Variants in GALNTL6 observed in about 807,000 individuals in gnomAD.
GALNTL6 encodes the protein polypeptide N-acetylgalactosaminyltransferase like 6.
Under a neutral mutation model 73.7 loss-of-function variants are expected in GALNTL6, and 46 were observed. The ratio of observed to expected loss-of-function variants is 0.62; its 90% CI spans 0.49 to 0.80. GALNTL6 has a LOEUF of 0.80. Among genes scored for constraint, GALNTL6 ranks in the 30% least tolerant of loss-of-function variants. The pLI, the probability that GALNTL6 is intolerant of heterozygous loss-of-function variation, is 0.00. For missense variants in GALNTL6, 604 were observed against 755.0 expected, an observed-to-expected ratio of 0.80 and a Z score of 2.34; for synonymous variants, 259 against 263.7, an observed-to-expected ratio of 0.98 and a Z score of 0.17.
chr4:171,855,944 A>G (rs565084916), intron 2 of GALNTL6, among the ~76,000 whole-genome samples: 2 of 152,328 alleles, frequency 1.3e-5, no homozygotes, highest in African/African-American at 4.8e-5. Context: ...TGCTCATTTT[A>G]AAATTGAATT....
intron 2 of GALNTL6, among the ~76,000 whole-genome samples, chr4:171,998,065 C>A (rs555006346): frequency 6.6e-6 from 1 of 152,122 alleles, no homozygotes; most frequent in African/African-American, 2.4e-5. Flanking sequence ...TCTTTTACCC[C>A]ATTAGATATT....
At chr4:172,979,058 C>A (rs1159871932) in intron 10 of GALNTL6, among the ~76,000 whole-genome samples, 3 of 152,196 alleles carry the variant, frequency 2.0e-5, no homozygotes, top group African/African-American at 7.2e-5. Flanking sequence ...GAGTAATCAA[C>A]GTAAGTCACC....
intron 5 of GALNTL6, among the ~76,000 whole-genome samples, chr4:172,747,587 A>G (rs1737179700): frequency 6.6e-6 from 1 of 152,146 alleles, no homozygotes; most frequent in Admixed American, 6.5e-5. Context: ...TAGTATAGTC[A>G]TTTTGAAAAA....
chr4:172,205,584 C>A (rs1736083053), intron 2 of GALNTL6, among the ~76,000 whole-genome samples: 1 of 152,186 alleles, frequency 6.6e-6, no homozygotes, highest in African/African-American at 2.4e-5. Context: ...AGACTCTCAT[C>A]CTTTTGTTCC....
intron 5 of GALNTL6, among the ~76,000 whole-genome samples, chr4:172,600,692 A>G (rs2111022790): frequency 6.6e-6 from 1 of 152,258 alleles, no homozygotes; most frequent in East Asian, 1.9e-4. Context: ...GCTGGAGTGA[A>G]CAGACCTCAT....
chr4:172,122,030 T>G (rs763204776), intron 2 of GALNTL6, among the ~76,000 whole-genome samples: 4 of 151,788 alleles, frequency 2.6e-5, no homozygotes, highest in Non-Finnish European at 5.9e-5. Context: ...CCTGAGGGAT[T>G]TGTCCAGATA....
chr4:172,941,618 T>G (rs1748926691), intron 9 of GALNTL6, among the ~76,000 whole-genome samples: 1 of 152,208 alleles, frequency 6.6e-6, no homozygotes, highest in Admixed American at 6.5e-5. Context: ...CCATTAGAAC[T>G]GACCATTTCC....
At chr4:172,394,429 T>C (rs1044188705) in intron 5 of GALNTL6, among the ~76,000 whole-genome samples, 6 of 83,732 alleles carry the variant, frequency 7.2e-5, no homozygotes, top group Non-Finnish European at 1.3e-4. Context: ...CTTCTTCTTC[T>C]TTTTTTTTTT....
chr4:172,500,760 C>T (rs1734236217), intron 5 of GALNTL6, among the ~76,000 whole-genome samples: 1 of 151,762 alleles, frequency 6.6e-6, no homozygotes, highest in Admixed American at 6.6e-5. Context: ...AAAAGTACAT[C>T]TGCATGAGGC....
intron 8 of GALNTL6, among the ~76,000 whole-genome samples, chr4:172,917,885 G>C (rs890144784): frequency 6.6e-6 from 1 of 152,100 alleles, no homozygotes; most frequent in Non-Finnish European, 1.5e-5. Context: ...TTGACCCAGT[G>C]ATCCCATTAC....
chr4:171,957,611 G>A lies in GALNTL6; in HGVS notation c.138+142893G>A, dbSNP rs925240569. Among the ~76,000 whole-genome samples, 7 of 152,274 alleles carry A rather than the reference G, an allele frequency of 4.6e-5. No homozygotes were observed. The East Asian group carries it at 1.2e-3, about 25-fold the overall frequency. ...AGAAAACTGTTGTCTAGTTATCAAC[G>A]CATTGCGGCATTTTAAGAATATATT... On this transcript the variant is annotated intron_variant, in intron 2 of 12. Transcript: ENST00000506823.
At position 172,456,631 on chromosome 4, in the gene GALNTL6, G is replaced by A. The variant is rs149863976; in HGVS notation, c.553+107942G>A. On this transcript the variant is annotated intron_variant, in intron 5 of 12. Coordinates refer to ENST00000506823, the MANE Select transcript of GALNTL6 (RefSeq NM_001034845.3). ...TTGAAGATCAGCTCAATGAAATAAA[G>A]CGTGAAGACAAGATTAGAGAAAAAA... is the stretch of plus-strand genomic sequence containing the variant. Among the ~76,000 whole-genome samples, 1,265 of 151,818 alleles carry A rather than the reference G, an allele frequency of 8.3e-3. 12 individuals carry two copies. The highest frequency in any genetic ancestry group is 0.037 in the East Asian group (190 of 5,082).
rs570957710 is a variant in GALNTL6, at chr4:173,000,737, C to G, written c.1372-8441C>G. Among the ~76,000 whole-genome samples, 3 of 152,186 alleles carry G rather than the reference C, an allele frequency of 2.0e-5. No individual in the cohort carries two copies. The East Asian group carries it at 5.8e-4, about 29-fold the overall frequency. ...TAGACCAAGGGAATCCAATAGATTG[C>G]CAAGAAATAAGCCCTCACATGCAAA... On this transcript the variant is annotated intron_variant, in intron 10 of 12. Transcript: ENST00000506823.
At chr4:172,747,786 C>CT (rs941054845) in intron 5 of GALNTL6, among the ~76,000 whole-genome samples, 23 of 145,452 alleles carry the variant, frequency 1.6e-4, no homozygotes, top group African/African-American at 3.8e-4. Flanking sequence ...AAATGATTAA[C>CT]TTTTTTTTTA....
At chr4:173,006,771 C>A (rs1262921807) in intron 10 of GALNTL6, among the ~76,000 whole-genome samples, 1 of 152,192 alleles carries the variant, frequency 6.6e-6, no homozygotes, top group Non-Finnish European at 1.5e-5. Context: ...GGGTTCAAAT[C>A]TGGAGTCGAT....
intron 5 of GALNTL6, among the ~76,000 whole-genome samples, chr4:172,516,536 A>G (rs1201893031): frequency 7.9e-5 from 12 of 152,190 alleles, no homozygotes; most frequent in Non-Finnish European, 1.8e-4. Flanking sequence ...GTTCCAACGT[A>G]AAAGATTTTT....
intron 3 of GALNTL6, chr4:172,266,443 T>C (rs1326504949): frequency 6.6e-6 from 1 of 152,106 alleles, no homozygotes; most frequent in East Asian, 1.9e-4. Context: ...TACAGTAAGT[T>C]GATTCTACTT....
At chr4:172,122,934 C>T (rs1733193185) in intron 2 of GALNTL6, among the ~76,000 whole-genome samples, 1 of 152,208 alleles carries the variant, frequency 6.6e-6, no homozygotes, top group Non-Finnish European at 1.5e-5. Context: ...GTAATAAGAA[C>T]TCTAAAACAA....
At chr4:172,217,041 A>G (rs1188523770) in intron 2 of GALNTL6, among the ~76,000 whole-genome samples, 1 of 152,156 alleles carries the variant, frequency 6.6e-6, no homozygotes, top group Non-Finnish European at 1.5e-5. Context: ...AAGATAAAAG[A>G]TTGCTGAGAC....
Sources: allele counts gnomAD v4.1 joint callset (sites outside exome capture counted in the v4.1 genomes callset), GRCh38; gene constraint gnomAD v4.1.1; transcripts MANE v1.5; gene names NCBI Gene and HGNC (gene_info 2026-07-23, HGNC 2026-07-21).